CADM2: variants seen among roughly 807,000 people sequenced by gnomAD.
CADM2 encodes cell adhesion molecule 2.
Under a neutral mutation model 49.8 loss-of-function variants are expected in CADM2, and 12 were observed. That is an observed-to-expected ratio of 0.24 (90% CI 0.15 to 0.39). The LOEUF (loss-of-function observed/expected upper bound fraction) is 0.39. Among genes scored for constraint, CADM2 ranks in the 10% least tolerant of loss-of-function variants. The pLI, the probability that CADM2 is intolerant of heterozygous loss-of-function variation, is 1.00. For synonymous variants in CADM2, 214 were observed against 175.4 expected, an observed-to-expected ratio of 1.22 and a Z score of -1.74; for missense variants, 378 against 492.3, an observed-to-expected ratio of 0.77 and a Z score of 2.20.
At chr3:85,363,634 C>T (rs1395625747) in intron 1 of CADM2, among the ~76,000 whole-genome samples, 3 of 152,096 alleles carry the variant, frequency 2.0e-5, no homozygotes, top group Admixed American at 6.5e-5. Flanking sequence ...ATTTTTGAGA[C>T]GGAGTCTCGC....
rs945610582 is a variant in CADM2, at chr3:85,306,267, A to C, written c.61+346599A>C. Reference sequence around the variant, plus strand: ...CTTTGCTGGATTTAGTCCTGCTTTAAATATATGTTTTTAAATTGCAAATTT... The same window carrying C: ...CTTTGCTGGATTTAGTCCTGCTTTACATATATGTTTTTAAATTGCAAATTT... On this transcript the variant is annotated intron_variant, in intron 1 of 9. Transcript: ENST00000383699. Among the ~76,000 whole-genome samples, 7 of 151,626 alleles carry C rather than the reference A, an allele frequency of 4.6e-5. 1 individual carries two copies. In the South Asian group the frequency reaches 6.2e-4, roughly 13 times the overall value.
At chr3:85,430,800 G>A (rs866549921) in intron 1 of CADM2, among the ~76,000 whole-genome samples, 1 of 151,994 alleles carries the variant, frequency 6.6e-6, no homozygotes, top group African/African-American at 2.4e-5. Flanking sequence ...AGTAGAAGGG[G>A]CTTGATGCAA....
chr3:85,999,679 G>T (rs905247276), intron 8 of CADM2, among the ~76,000 whole-genome samples: 2 of 149,936 alleles, frequency 1.3e-5, no homozygotes, highest in Non-Finnish European at 2.9e-5. Flanking sequence ...GAAAGAAAAA[G>T]AAAGAAAAGA....
chr3:85,416,046 G>A (rs1052848345), intron 1 of CADM2, among the ~76,000 whole-genome samples: 11 of 151,770 alleles, frequency 7.2e-5, no homozygotes, highest in African/African-American at 1.9e-4. Flanking sequence ...AAAATATTGA[G>A]GTTTTATACC....
chr3:85,743,873 A>G (rs1321677221), intron 2 of CADM2, among the ~76,000 whole-genome samples: 1 of 152,172 alleles, frequency 6.6e-6, no homozygotes, highest in Non-Finnish European at 1.5e-5. Context: ...AAGATATTTA[A>G]ATAAATATAT....
intron 1 of CADM2, among the ~76,000 whole-genome samples, chr3:85,341,041 C>T (rs1357814329): frequency 6.6e-6 from 1 of 151,494 alleles, no homozygotes; most frequent in African/African-American, 2.4e-5. Flanking sequence ...TGGTCTCAGG[C>T]CTCCCTGAAC....
intron 8 of CADM2, among the ~76,000 whole-genome samples, chr3:85,998,231 A>G (rs923831237): frequency 3.3e-5 from 5 of 152,130 alleles, no homozygotes; most frequent in African/African-American, 1.2e-4. Flanking sequence ...TCTATTTTGA[A>G]AAACTATTTT....
chr3:85,270,732 G>A lies in CADM2; in HGVS notation c.61+311064G>A, dbSNP rs144141536. On this transcript the variant is annotated intron_variant, in intron 1 of 9. Transcript: ENST00000383699. Reference sequence around the variant, plus strand: ...ATTGTTTGTCCAAGGGCATAAAAAAGCTCACTATTAAGTAGAACACTTATG... The same window carrying A: ...ATTGTTTGTCCAAGGGCATAAAAAAACTCACTATTAAGTAGAACACTTATG... 5.4e-3 allele frequency among the ~76,000 whole-genome samples: 818 copies of A among 151,184 alleles called. 11 individuals are homozygous for A. The highest frequency in any genetic ancestry group is 0.019 in the African/African-American group (784 of 41,360).
intron 8 of CADM2, among the ~76,000 whole-genome samples, chr3:86,045,796 C>A (rs1471728126): frequency 1.3e-5 from 2 of 152,042 alleles, no homozygotes; most frequent in Non-Finnish European, 2.9e-5. Flanking sequence ...CTGTGTTAAG[C>A]CCTTTATATA....
intron 1 of CADM2, among the ~76,000 whole-genome samples, chr3:85,208,715 A>G (rs1417498563): frequency 6.6e-6 from 1 of 152,162 alleles, no homozygotes; most frequent in Non-Finnish European, 1.5e-5. Context: ...ACAGGTGATT[A>G]TAGCATTTGA....
At chr3:85,485,130 T>G (rs1206281587) in intron 1 of CADM2, among the ~76,000 whole-genome samples, 1 of 151,888 alleles carries the variant, frequency 6.6e-6, no homozygotes. Flanking sequence ...TGCTTCAATA[T>G]TCAATATATA....
intron 1 of CADM2, among the ~76,000 whole-genome samples, chr3:85,332,223 T>A (rs1326577350): frequency 6.6e-6 from 1 of 152,068 alleles, no homozygotes; most frequent in Non-Finnish European, 1.5e-5. Context: ...TAGTGGAATA[T>A]TAGATGCAAG....
intron 8 of CADM2, among the ~76,000 whole-genome samples, chr3:85,978,564 A>T (rs917012171): frequency 6.6e-6 from 1 of 151,600 alleles, no homozygotes; most frequent in African/African-American, 2.4e-5. Flanking sequence ...GAATTGCAAG[A>T]CTCTAAACTG....
intron 8 of CADM2, among the ~76,000 whole-genome samples, chr3:86,048,877 C>G (rs1487532044): frequency 1.3e-5 from 2 of 152,014 alleles, no homozygotes; most frequent in Admixed American, 6.5e-5. Context: ...AAGTGATCAA[C>G]AAAGGCAACA....
At chr3:85,067,751 T>C (rs1041260159) in intron 1 of CADM2, among the ~76,000 whole-genome samples, 3 of 152,196 alleles carry the variant, frequency 2.0e-5, no homozygotes, top group Non-Finnish European at 4.4e-5. Flanking sequence ...TTCTGCACTG[T>C]GGATAGAATT....
intron 3 of CADM2, among the ~76,000 whole-genome samples, chr3:85,832,312 T>A (rs1559689013): frequency 6.6e-6 from 1 of 152,000 alleles, no homozygotes; most frequent in African/African-American, 2.4e-5. Context: ...TCCTTTTTGC[T>A]ACCATATGAA....
intron 2 of CADM2, among the ~76,000 whole-genome samples, chr3:85,728,550 A>AG (rs1350312299): frequency 1.3e-5 from 2 of 152,096 alleles, no homozygotes; most frequent in Admixed American, 6.6e-5. Flanking sequence ...GAAAAAAAAA[A>AG]GTGGATAAGA....
At chr3:85,201,798 T>A (rs1052572848) in intron 1 of CADM2, among the ~76,000 whole-genome samples, 1 of 152,074 alleles carries the variant, frequency 6.6e-6, no homozygotes, top group Non-Finnish European at 1.5e-5. Flanking sequence ...AAGCAACTCC[T>A]CAGGCTGGGC....
At chr3:85,838,097 C>G (rs1382238339) in intron 3 of CADM2, among the ~76,000 whole-genome samples, 1 of 151,724 alleles carries the variant, frequency 6.6e-6, no homozygotes, top group Non-Finnish European at 1.5e-5. Flanking sequence ...TATACATACT[C>G]AACTCAAATT....
Sources: allele counts gnomAD v4.1 joint callset (sites outside exome capture counted in the v4.1 genomes callset), GRCh38; gene constraint gnomAD v4.1.1; transcripts MANE v1.5; gene names NCBI Gene and HGNC (gene_info 2026-07-23, HGNC 2026-07-21).